SLC11A2: variants seen among roughly 807,000 people sequenced by gnomAD.
SLC11A2 encodes natural resistance-associated macrophage protein 2.
Under a neutral mutation model 68.0 loss-of-function variants are expected in SLC11A2, and 38 were observed. The ratio of observed to expected loss-of-function variants is 0.56; its 90% confidence interval spans 0.43 to 0.73. The LOEUF (loss-of-function observed/expected upper bound fraction) is 0.73. Ranked by LOEUF, SLC11A2 falls within the 30% of genes least tolerant of loss-of-function variation. SLC11A2 has a pLI of 0.00. For synonymous variants in SLC11A2, 242 were observed against 250.6 expected (o/e 0.97, Z 0.32); for missense variants, 517 against 690.5 (o/e 0.75, Z 2.82).
chr12:51,025,889 G>A, intron 1 of SLC11A2: 1 of 988,762 alleles, frequency 1.0e-6, no homozygotes, highest in Non-Finnish European at 1.2e-6. Context: ...AGAGCAGCCC[G>A]GCCCCCTGCG....
chr12:50,970,096 G>C, the SLC11A2 span, among the ~76,000 whole-genome samples: 2 of 152,096 alleles, frequency 1.3e-5, no homozygotes, highest in Admixed American at 1.3e-4. Context: ...TCGGGATACT[G>C]AGTACAAGTA....
At chr12:51,004,330 T>C (rs1287641081) in intron 5 of SLC11A2, among the ~76,000 whole-genome samples, 1 of 152,118 alleles carries the variant, frequency 6.6e-6, no homozygotes, top group Non-Finnish European at 1.5e-5. Flanking sequence ...TGAAAAATAA[T>C]TATTAGCAAA....
chr12:51,001,562 C>T (rs1443306839), intron 5 of SLC11A2, among the ~76,000 whole-genome samples: 6 of 139,530 alleles, frequency 4.3e-5, no homozygotes, highest in South Asian at 2.3e-4. Flanking sequence ...TATTCCTTTA[C>T]GTTCTTAATA....
At chr12:51,010,153 T>C (rs1458953799) in intron 2 of SLC11A2, among the ~76,000 whole-genome samples, 2 of 147,246 alleles carry the variant, frequency 1.4e-5, no homozygotes, top group Non-Finnish European at 3.0e-5. Flanking sequence ...CACTGAACAC[T>C]AACTAGCCTG....
intron 1 of SLC11A2, among the ~76,000 whole-genome samples, chr12:51,025,202 T>C (rs979882350): frequency 6.6e-6 from 1 of 152,176 alleles, no homozygotes; most frequent in African/African-American, 2.4e-5. Flanking sequence ...TGATAAGTCA[T>C]GAGACTCTGA....
At chr12:51,004,028 T>C (rs1347142328) in intron 5 of SLC11A2, among the ~76,000 whole-genome samples, 5 of 152,196 alleles carry the variant, frequency 3.3e-5, no homozygotes, top group Admixed American at 2.0e-4. Context: ...TATGGGTACA[T>C]AGTAGGTGTA....
chr12:50,995,915 C>A, intron 9 of SLC11A2, 128 bp from the exon 10 acceptor site: 2 of 780,684 alleles, frequency 2.6e-6, no homozygotes, highest in Non-Finnish European at 4.5e-6. Flanking sequence ...GTGAGAGATC[C>A]AACACTCACC....
chr12:50,952,769 G>A, the SLC11A2 span, among the ~76,000 whole-genome samples: 4 of 152,332 alleles, frequency 2.6e-5, no homozygotes, highest in East Asian at 1.9e-4. Context: ...TGCAGGGAGC[G>A]CACCTCCTCT....
In SLC11A2 at chr12:50,986,178, A is replaced by G. The variant is rs1199486492; in HGVS notation, c.*2147T>C. 1.6e-6 allele frequency: 2 copies of G among 1,284,972 alleles called. No individual in the cohort carries two copies. The highest frequency in any genetic ancestry group is 2.0e-6 in the Non-Finnish European group (2 of 986,792). 79.6% of individuals were successfully genotyped at this position (1,284,972 alleles called of 1,614,324 possible). ...ACAATTATTTCATGTCACATTTAAG[A>G]AGAACAAGAACCAATTTATATAAAG... On this transcript the variant is annotated 3_prime_UTR_variant, in exon 16 of 16. Coordinates refer to ENST00000262052, the MANE Select transcript of SLC11A2 (RefSeq NM_000617.3).
At chr12:51,026,083 C>G (rs1592472423) in intron 1 of SLC11A2, 2 of 1,100,344 alleles carry the variant, frequency 1.8e-6, no homozygotes, top group Non-Finnish European at 2.2e-6. Context: ...GGCGTTCCCT[C>G]CCTGCCCCCA....
At chr12:51,001,294 C>T (rs182482260) in intron 5 of SLC11A2, among the ~76,000 whole-genome samples, 17 of 151,846 alleles carry the variant, frequency 1.1e-4, no homozygotes, top group African/African-American at 4.1e-4. Flanking sequence ...CATGGCAAAA[C>T]CCCATCTCTA....
chr12:51,000,504 C>A, intron 5 of SLC11A2, 85 bp from the exon 6 acceptor site: 1 of 1,039,434 alleles, frequency 9.6e-7, no homozygotes, highest in African/African-American at 1.6e-5. Context: ...CATTTTGGCA[C>A]TAAACCATAA....
In SLC11A2 at chr12:51,001,334, A is replaced by G. The variant is rs573628200; in HGVS notation, c.430-915T>C. Reference sequence around the variant, plus strand: ...AAGTATAAAAATTGGGAGCAAAATGATAAGAACTTATGAACACACAGACAG... The same window carrying G: ...AAGTATAAAAATTGGGAGCAAAATGGTAAGAACTTATGAACACACAGACAG... On this transcript the variant is annotated intron_variant, in intron 5 of 15. Coordinates refer to ENST00000262052, the MANE Select transcript of SLC11A2 (RefSeq NM_000617.3). Among the ~76,000 whole-genome samples, 10 of 152,138 alleles carry G rather than the reference A, an allele frequency of 6.6e-5. No homozygotes were observed. In the South Asian group the frequency reaches 1.2e-3, roughly 19 times the overall value.
rs933979619 is a variant in SLC11A2 at position 51,005,505 on chromosome 12, T to G, written c.184-69A>C. The stretch of plus-strand genomic sequence containing the variant: ...AACTACTGATATAATTGGTCTGTTA[T>G]CACATATGAAGCAACAAAATCCAGC... On this transcript the variant is annotated intron_variant, in intron 3 of 15. Coordinates refer to ENST00000262052, the MANE Select transcript of SLC11A2 (RefSeq NM_000617.3). 5 of 1,603,116 alleles carry G rather than the reference T, an allele frequency of 3.1e-6. No individual in the cohort carries two copies. The Middle Eastern group carries it at 6.7e-4, about 213-fold the overall frequency.
intron 1 of SLC11A2, chr12:51,025,870 A>G: frequency 2.0e-6 from 2 of 987,976 alleles, no homozygotes; most frequent in Non-Finnish European, 2.4e-6. Context: ...GGGCGGCGGG[A>G]GGCCCCGGAG....
At chr12:50,960,278 A>G in the SLC11A2 span, among the ~76,000 whole-genome samples, 1 of 152,104 alleles carries the variant, frequency 6.6e-6, no homozygotes, top group African/African-American at 2.4e-5. Flanking sequence ...TACTGGGTTT[A>G]CTCCTTATTT....
At chr12:50,960,961 T>C in the SLC11A2 span, 9 of 1,561,662 alleles carry the variant, frequency 5.8e-6, no homozygotes, top group East Asian at 4.7e-5. Context: ...ACTTTTAAAA[T>C]TCACAGGTAT....
intron 3 of SLC11A2, among the ~76,000 whole-genome samples, chr12:51,006,859 T>G (rs1942772822): frequency 6.6e-6 from 1 of 152,164 alleles, no homozygotes; most frequent in Admixed American, 6.6e-5. Flanking sequence ...CACTTCAGCC[T>G]CCAAAGTAGC....
downstream of SLC11A2, among the ~76,000 whole-genome samples, chr12:50,984,375 AT>A (rs1940341986): frequency 6.6e-6 from 1 of 152,196 alleles, no homozygotes; most frequent in Non-Finnish European, 1.5e-5. Context: ...AGCTTGCTTA[AT>A]TTAGGCTTAA....
Sources: allele counts gnomAD v4.1 joint callset (sites outside exome capture counted in the v4.1 genomes callset), GRCh38; gene constraint gnomAD v4.1.1; transcripts MANE v1.5; gene names NCBI Gene and HGNC (gene_info 2026-07-23, HGNC 2026-07-21).